The following TBC1D22A variants were observed in gnomAD, a reference collection of about 807,000 sequenced individuals.
The protein encoded by TBC1D22A is putative GTPase activator.
A neutral mutation model predicts 60.2 loss-of-function variants in TBC1D22A; 38 were observed. That is an observed-to-expected ratio of 0.63 (90% CI 0.49 to 0.83). TBC1D22A has a LOEUF of 0.83. TBC1D22A is among the 40% of genes least tolerant of loss of function. TBC1D22A has a pLI of 0.00. For synonymous variants in TBC1D22A, 302 were observed against 281.7 expected (o/e 1.07, Z -0.72); for missense variants, 628 against 701.0 (o/e 0.90, Z 1.18).
At chr22:47,072,538 C>G (rs1470105296) in intron 11 of TBC1D22A, among the ~76,000 whole-genome samples, 1 of 152,244 alleles carries the variant, frequency 6.6e-6, no homozygotes, top group Non-Finnish European at 1.5e-5. Context: ...TCTCTCCATG[C>G]CTTATGCACT....
chr22:46,864,526 C>T (rs544320850), intron 4 of TBC1D22A, among the ~76,000 whole-genome samples: 1 of 152,306 alleles, frequency 6.6e-6, no homozygotes, highest in East Asian at 1.9e-4. Context: ...TGTACTTTGC[C>T]CTCTGACATT....
intron 8 of TBC1D22A, among the ~76,000 whole-genome samples, chr22:46,931,045 G>A (rs1288016916): frequency 6.6e-6 from 1 of 152,346 alleles, no homozygotes; most frequent in African/African-American, 2.4e-5. Context: ...CAGTTCCAGA[G>A]TTCTAGTCCC....
intron 11 of TBC1D22A, among the ~76,000 whole-genome samples, chr22:47,053,136 G>A (rs2063281954): frequency 6.6e-6 from 1 of 151,620 alleles, no homozygotes; most frequent in African/African-American, 2.4e-5. Flanking sequence ...CCCACCACCA[G>A]CCCAGGGCCT....
intron 1 of TBC1D22A, chr22:46,768,004 C>T (rs981404342): frequency 1.1e-4 from 17 of 152,900 alleles, no homozygotes; most frequent in Middle Eastern, 3.4e-3. Context: ...GCATGGTCTG[C>T]ATTAGGTTTA....
At chr22:46,799,865 G>A (rs1008875918) in intron 4 of TBC1D22A, among the ~76,000 whole-genome samples, 5 of 152,204 alleles carry the variant, frequency 3.3e-5, no homozygotes, top group African/African-American at 1.2e-4. Context: ...GGGTCCTCAC[G>A]TTGAAGATGT....
intron 8 of TBC1D22A, among the ~76,000 whole-genome samples, chr22:46,951,587 G>A (rs1432033527): frequency 6.6e-6 from 1 of 152,206 alleles, no homozygotes; most frequent in Non-Finnish European, 1.5e-5. Context: ...CGCCATCTTG[G>A]AGCCCTCGGA....
intron 8 of TBC1D22A, among the ~76,000 whole-genome samples, chr22:46,950,849 G>C (rs1256017818): frequency 6.6e-6 from 1 of 152,162 alleles, no homozygotes; most frequent in East Asian, 1.9e-4. Flanking sequence ...CACCTCTGCA[G>C]TTCTGTTATT....
At chr22:46,918,306 G>T (rs932233751) in intron 8 of TBC1D22A, among the ~76,000 whole-genome samples, 1 of 152,190 alleles carries the variant, frequency 6.6e-6, no homozygotes, top group South Asian at 2.1e-4. Context: ...GCCAAAGCAC[G>T]CCTCAGCTGA....
At chr22:46,796,508 A>G (rs2084660300) in intron 3 of TBC1D22A, among the ~76,000 whole-genome samples, 1 of 152,110 alleles carries the variant, frequency 6.6e-6, no homozygotes, top group South Asian at 2.1e-4. Flanking sequence ...CAGTTTTTGA[A>G]AAATGAGATA....
chr22:46,775,053 G>A (rs1287025259), intron 1 of TBC1D22A, among the ~76,000 whole-genome samples: 1 of 152,258 alleles, frequency 6.6e-6, no homozygotes, highest in South Asian at 2.1e-4. Flanking sequence ...GATGAGGCGA[G>A]TGATGTTTAT....
At chr22:47,105,830 A>G (rs1199348976) in intron 11 of TBC1D22A, among the ~76,000 whole-genome samples, 2 of 152,250 alleles carry the variant, frequency 1.3e-5, no homozygotes, top group Non-Finnish European at 2.9e-5. Flanking sequence ...TGACAGGAGA[A>G]GTCACTGAAG....
intron 10 of TBC1D22A, among the ~76,000 whole-genome samples, chr22:47,034,934 A>G (rs1160540095): frequency 6.6e-6 from 1 of 152,076 alleles, no homozygotes; most frequent in African/African-American, 2.4e-5. Context: ...TCTGGCACTG[A>G]TGCGTCAGGC....
At chr22:46,972,132 G>A (rs1015251225) in intron 8 of TBC1D22A, among the ~76,000 whole-genome samples, 4 of 152,198 alleles carry the variant, frequency 2.6e-5, no homozygotes, top group Non-Finnish European at 5.9e-5. Context: ...GGTTGCACCC[G>A]GTATGCTGTG....
At chr22:46,838,514 T>C (rs2086614006) in intron 4 of TBC1D22A, among the ~76,000 whole-genome samples, 1 of 152,096 alleles carries the variant, frequency 6.6e-6, no homozygotes, top group Admixed American at 6.5e-5. Flanking sequence ...CTTCTCAAAG[T>C]CTTTCCAAAA....
intron 8 of TBC1D22A, among the ~76,000 whole-genome samples, chr22:46,936,381 C>G (rs2071657473): frequency 6.6e-6 from 1 of 152,162 alleles, no homozygotes; most frequent in Admixed American, 6.6e-5. Context: ...CCTCGTGGCT[C>G]CCCGCACAGC....
chr22:46,918,892 C>T (rs924797973), intron 8 of TBC1D22A, among the ~76,000 whole-genome samples: 7 of 152,252 alleles, frequency 4.6e-5, no homozygotes, highest in Middle Eastern at 3.4e-3. Flanking sequence ...CCCGCGTGCC[C>T]GTCATCTGAC....
chr22:47,062,665 C>T (rs959181538), intron 11 of TBC1D22A, among the ~76,000 whole-genome samples: 1 of 152,164 alleles, frequency 6.6e-6, no homozygotes, highest in East Asian at 1.9e-4. Context: ...CGAGGCAAAT[C>T]CCTGGTCGAC....
intron 8 of TBC1D22A, among the ~76,000 whole-genome samples, chr22:46,968,889 G>T (rs2073937639): frequency 6.6e-6 from 1 of 152,126 alleles, no homozygotes; most frequent in South Asian, 2.1e-4. Flanking sequence ...CAAAAACTTA[G>T]CTTTGTTTAC....
intron 8 of TBC1D22A, among the ~76,000 whole-genome samples, chr22:46,950,687 A>G (rs1228898444): frequency 6.6e-6 from 1 of 152,080 alleles, no homozygotes; most frequent in Non-Finnish European, 1.5e-5. Context: ...GCTTTCCTAG[A>G]TTGAGGTATT....
Sources: gnomAD v4.1 joint callset for allele counts (sites outside exome capture counted in the v4.1 genomes callset) on GRCh38, gnomAD v4.1.1 for gene constraint, MANE v1.5 for transcripts, NCBI Gene and HGNC (gene_info 2026-07-23, HGNC 2026-07-21) for gene names.